Variants in ANKRD55 observed in about 807,000 individuals in gnomAD.
The protein encoded by ANKRD55 is ankyrin repeat domain-containing protein 55.
In ANKRD55, 41 loss-of-function variants were observed where a neutral mutation model predicts 60.6. That is an observed-to-expected ratio of 0.68 (90% confidence interval 0.53 to 0.88). The LOEUF is 0.88. ANKRD55 is among the 40% of genes least tolerant of loss of function. ANKRD55 has a pLI of 0.00. For missense variants in ANKRD55, 732 were observed against 767.6 expected (o/e 0.95, Z 0.55); for synonymous variants, 264 against 290.3 (o/e 0.91, Z 0.92).
rs574427465 is a variant in ANKRD55, at chr5:56,224,939, T to A, written c.58+7917A>T. ...GCTGGTACCATTCCTTCTGAAACCA[T>A]TTCAATCAACAGAAAAAGAGGAAAT... On this transcript the variant is annotated intron_variant, in intron 2 of 11. Transcript: ENST00000341048. Among the ~76,000 whole-genome samples the A allele has an allele frequency of 1.1e-3, 170 of 152,302 alleles. No individual in the cohort carries two copies. The South Asian group carries it at 0.017, about 15-fold the overall frequency.
chr5:56,204,695 G>GT (rs1347240132), intron 2 of ANKRD55, among the ~76,000 whole-genome samples: 10 of 152,182 alleles, frequency 6.6e-5, no homozygotes, highest in East Asian at 5.8e-4. Context: ...GTCTTGGGTA[G>GT]TTTTTTTGTA....
chr5:56,115,593 A>G (rs1756863361), intron 9 of ANKRD55, among the ~76,000 whole-genome samples: 1 of 152,090 alleles, frequency 6.6e-6, no homozygotes, highest in African/African-American at 2.4e-5. Flanking sequence ...AAGTGCTAGG[A>G]TTACAGGTGT....
At chr5:56,121,222 G>A (rs1757043553) in intron 8 of ANKRD55, among the ~76,000 whole-genome samples, 1 of 151,940 alleles carries the variant, frequency 6.6e-6, no homozygotes, top group South Asian at 2.1e-4. Flanking sequence ...GTGGGGTGGG[G>A]GGCTTTAAAA....
At chr5:56,101,507 T>C (rs752416822) in intron 11 of ANKRD55, among the ~76,000 whole-genome samples, 1 of 152,188 alleles carries the variant, frequency 6.6e-6, no homozygotes, top group Non-Finnish European at 1.5e-5. Flanking sequence ...AGACTCAGTG[T>C]CCTGTAGTTT....
At chr5:56,193,541 T>C (rs1052219826) in intron 2 of ANKRD55, 3 of 412,400 alleles carry the variant, frequency 7.3e-6, no homozygotes, top group Non-Finnish European at 1.4e-5. Context: ...TATGGTTATT[T>C]ATACAGATAT....
intron 7 of ANKRD55, chr5:56,137,269 C>A: frequency 6.2e-7 from 1 of 1,602,020 alleles, no homozygotes; most frequent in Non-Finnish European, 8.5e-7. Context: ...CTTAAAAATG[C>A]AGAGAGTAAT....
At chr5:56,227,821 T>C (rs1322215079) in intron 2 of ANKRD55, among the ~76,000 whole-genome samples, 1 of 152,156 alleles carries the variant, frequency 6.6e-6, no homozygotes, top group Non-Finnish European at 1.5e-5. Context: ...ATGAGGATTA[T>C]ATGAGCTAGT....
rs535166591 is a variant in ANKRD55 at position 56,143,444 on chromosome 5, T to G, written c.612+357A>C. 2.6e-5 allele frequency among the ~76,000 whole-genome samples: 4 copies of G among 152,214 alleles called. No individual in the cohort carries two copies. In the South Asian group the frequency reaches 8.3e-4, roughly 32 times the overall value. On this transcript the variant is annotated intron_variant, in intron 7 of 11. Transcript: ENST00000341048. ...CTGAAATGACTCTGCTGGGGAGGATTTGGAAGCAAGAAGAGAGTCAGAGAG... is the reference window on the plus strand; with the variant it reads ...CTGAAATGACTCTGCTGGGGAGGATGTGGAAGCAAGAAGAGAGTCAGAGAG...
chr5:56,202,040 A>G (rs1697021286), intron 2 of ANKRD55, among the ~76,000 whole-genome samples: 1 of 152,226 alleles, frequency 6.6e-6, no homozygotes, highest in Non-Finnish European at 1.5e-5. Flanking sequence ...AAACTAATGC[A>G]GGAACAGAAA....
At chr5:56,115,035 C>CA (rs929592098) in intron 9 of ANKRD55, among the ~76,000 whole-genome samples, 1 of 151,188 alleles carries the variant, frequency 6.6e-6, no homozygotes, top group Non-Finnish European at 1.5e-5. Flanking sequence ...AATAAAAAAC[C>CA]AAAAAACAAG....
intron 7 of ANKRD55, among the ~76,000 whole-genome samples, chr5:56,131,534 G>A (rs1222789525): frequency 6.6e-6 from 1 of 152,060 alleles, no homozygotes; most frequent in East Asian, 1.9e-4. Context: ...GGTGGCTCAT[G>A]CCTGTAATCC....
intron 9 of ANKRD55, among the ~76,000 whole-genome samples, chr5:56,113,483 C>A (rs916640953): frequency 6.6e-6 from 1 of 152,080 alleles, no homozygotes; most frequent in Non-Finnish European, 1.5e-5. Context: ...CTACTATATA[C>A]GGAGGTGTGA....
chr5:56,177,472 T>C (rs1374033165), intron 3 of ANKRD55, among the ~76,000 whole-genome samples: 1 of 152,036 alleles, frequency 6.6e-6, no homozygotes, highest in Non-Finnish European at 1.5e-5. Flanking sequence ...GCTCAGTAAG[T>C]AAAGCTAAAG....
At chr5:56,104,403 G>A (rs1441503985) in intron 10 of ANKRD55, among the ~76,000 whole-genome samples, 2 of 152,188 alleles carry the variant, frequency 1.3e-5, no homozygotes, top group African/African-American at 4.8e-5. Flanking sequence ...CCTCTAAGCA[G>A]ATGGGAGCAG....
At chr5:56,144,764 C>T (rs921672923) in intron 6 of ANKRD55, among the ~76,000 whole-genome samples, 8 of 152,106 alleles carry the variant, frequency 5.3e-5, no homozygotes, top group Admixed American at 1.3e-4. Context: ...AGTTCAGGGT[C>T]ATATGGGTTA....
Position 56,101,431 on chromosome 5 carries a change from T to G in ANKRD55, c.1723+1063A>C, listed in dbSNP as rs576868829. 9.9e-5 allele frequency among the ~76,000 whole-genome samples: 15 copies of G among 152,070 alleles called. No individual in the cohort carries two copies. The South Asian group carries it at 1.0e-3, about 11-fold the overall frequency. On this transcript the variant is annotated intron_variant, in intron 11 of 11. Coordinates refer to ENST00000341048, the MANE Select transcript of ANKRD55 (RefSeq NM_024669.3). ...GTGTGTTTGTCTGTGATAAATGCAG[T>G]GGGGTGCAATTGGAAGAAAAAAAGA...
chr5:56,152,975 GA>G (rs1421941238), intron 6 of ANKRD55, among the ~76,000 whole-genome samples: 1 of 152,042 alleles, frequency 6.6e-6, no homozygotes. Context: ...TTCTGAATAA[GA>G]AAAGGTACTA....
rs375438027 is a variant in ANKRD55 at position 56,183,503 on chromosome 5, A to G, written c.181+9T>C. On this transcript the variant is annotated intron_variant, in intron 3 of 11. Transcript: ENST00000341048. ...AACATTCTGGATTCAAAATGCATACATATCTCACCTTCACTGTCACAGCAT... is the reference window on the plus strand; with the variant it reads ...AACATTCTGGATTCAAAATGCATACGTATCTCACCTTCACTGTCACAGCAT... 2.5e-4 allele frequency: 398 copies of G among 1,613,686 alleles called. No individual in the cohort carries two copies. Among genetic ancestry groups the G allele is most frequent in the Non-Finnish European group, 3.2e-4 (382 of 1,179,920 alleles).
At chr5:56,232,769 C>CA (rs56061835) in intron 2 of ANKRD55, 87 bp downstream of exon 2, 3 of 1,344,212 alleles carry the variant, frequency 2.2e-6, no homozygotes, top group African/African-American at 2.9e-5. Flanking sequence ...CACACACACA[C>CA]TTCTCTTTCT....
Sources: gnomAD v4.1 joint callset for allele counts (sites outside exome capture counted in the v4.1 genomes callset) on GRCh38, gnomAD v4.1.1 for gene constraint, MANE v1.5 for transcripts, NCBI Gene and HGNC (gene_info 2026-07-23, HGNC 2026-07-21) for gene names.